Variants in KDM4C observed in about 807,000 individuals in gnomAD.
The protein encoded by KDM4C is lysine demethylase 4C.
In KDM4C, 81 loss-of-function variants were observed where a neutral mutation model predicts 129.3. The ratio of observed to expected loss-of-function variants is 0.63; its 90% CI spans 0.52 to 0.75. The LOEUF (loss-of-function observed/expected upper bound fraction) is 0.75, where lower values mean the gene tolerates loss of function less well. Ranked by LOEUF, KDM4C falls within the 30% of genes least tolerant of loss-of-function variation. The probability of loss-of-function intolerance (pLI) is 0.00; values close to 1 mark genes in which losing one functional copy is unlikely to be tolerated. For synonymous variants in KDM4C, 573 were observed against 456.1 expected (o/e 1.26, Z -3.26); for missense variants, 1,457 against 1,304.0 (o/e 1.12, Z -1.81).
At chr9:6,925,282 GA>G in intron 8 of KDM4C, 1 of 985,196 alleles carries the variant, frequency 1.0e-6, no homozygotes, top group Non-Finnish European at 1.2e-6. Flanking sequence ...GTTACTATGG[GA>G]AAATATAATA....
chr9:6,894,037 GATAA>G (rs150602100), intron 8 of KDM4C, among the ~76,000 whole-genome samples: 2,161 of 152,248 alleles, frequency 0.014, 36 homozygotes, highest in South Asian at 0.018. Flanking sequence ...AGCAGAAAAT[GATAA>G]ATAAAGCGTA....
chr9:7,138,312 C>A (rs1841417523), intron 19 of KDM4C, among the ~76,000 whole-genome samples: 1 of 151,978 alleles, frequency 6.6e-6, no homozygotes, highest in Non-Finnish European at 1.5e-5. Flanking sequence ...AATTTTTTGC[C>A]TTTTATAAAA....
intron 15 of KDM4C, among the ~76,000 whole-genome samples, chr9:7,038,144 G>T (rs1827968474): frequency 6.6e-6 from 1 of 152,016 alleles, no homozygotes; most frequent in Non-Finnish European, 1.5e-5. Context: ...ATAGAAAAAA[G>T]ATATAAATAC....
intron 21 of KDM4C, 126 bp from the exon 22 acceptor site, chr9:7,174,427 C>T (rs1332118962): frequency 1.2e-6 from 1 of 826,164 alleles, no homozygotes; most frequent in African/African-American, 1.7e-5. Flanking sequence ...GCCTGGGGCC[C>T]TTTTAGCCTG....
chr9:6,840,740 T>G (rs1836767364), intron 4 of KDM4C, among the ~76,000 whole-genome samples: 1 of 152,206 alleles, frequency 6.6e-6, no homozygotes, highest in Non-Finnish European at 1.5e-5. Flanking sequence ...AGTTACTGAC[T>G]GGGCACCTTC....
intron 15 of KDM4C, among the ~76,000 whole-genome samples, chr9:7,035,520 T>C (rs1827493400): frequency 6.6e-6 from 1 of 151,994 alleles, no homozygotes; most frequent in Non-Finnish European, 1.5e-5. Flanking sequence ...TTTGCTTTTG[T>C]TGCCCTTGCT....
intron 18 of KDM4C, among the ~76,000 whole-genome samples, chr9:7,115,289 G>A (rs918346437): frequency 1.3e-5 from 2 of 151,880 alleles, no homozygotes; most frequent in African/African-American, 2.4e-5. Flanking sequence ...ATATTTCTCC[G>A]TTCCCAGGAA....
chr9:6,892,034 C>G (rs1315453080), intron 7 of KDM4C, among the ~76,000 whole-genome samples: 4 of 152,092 alleles, frequency 2.6e-5, no homozygotes, highest in African/African-American at 9.7e-5. Context: ...CTTTTATTAT[C>G]AGAGCTAGCA....
rs745754841 is a variant in KDM4C, at chr9:7,174,555, C to T, written c.2997C>T (p.Ser999=). 5 of 1,613,962 alleles carry T rather than the reference C, an allele frequency of 3.1e-6. No individual in the cohort carries two copies. Among genetic ancestry groups the T allele is most frequent in the Non-Finnish European group, 4.2e-6 (5 of 1,179,872 alleles). The change falls in exon 22 of 22, where the codon TCC becomes TCT. Residue 999 remains serine (S), a splice_region_variant and synonymous_variant. Transcript: ENST00000381309. ...ELPKRVKARF[S]TASDMRFEDT... ...AATATAACACCAGCTGCTTTTAGTC[C>T]ACAGCCTCTGACATGCGATTTGAAG...
chr9:7,164,024 C>T (rs762290956), intron 19 of KDM4C, among the ~76,000 whole-genome samples: 6 of 152,138 alleles, frequency 3.9e-5, no homozygotes, highest in Non-Finnish European at 8.8e-5. Flanking sequence ...AGAAATAGTA[C>T]ATGGTAGATT....
At chr9:7,174,378 C>A (rs1159351876) in intron 21 of KDM4C, among the ~76,000 whole-genome samples, 175 bp from the exon 22 acceptor site, 1 of 152,164 alleles carries the variant, frequency 6.6e-6, no homozygotes, top group Non-Finnish European at 1.5e-5. Flanking sequence ...TGGAGCCCCC[C>A]ACTTTGGGTG....
At chr9:6,925,585 G>A (rs1434486306) in intron 8 of KDM4C, 1 of 985,418 alleles carries the variant, frequency 1.0e-6, no homozygotes, top group African/African-American at 1.7e-5. Context: ...GAGCCACCAT[G>A]CCTGGGCAGA....
intron 1 of KDM4C, among the ~76,000 whole-genome samples, chr9:6,743,694 G>T (rs1228256839): frequency 6.6e-6 from 1 of 152,008 alleles, no homozygotes; most frequent in Non-Finnish European, 1.5e-5. Flanking sequence ...TTTTAGTAGA[G>T]ACAGGGTTTC....
chr9:6,971,702 TATTA>T (rs903401084), intron 8 of KDM4C, among the ~76,000 whole-genome samples: 1 of 152,204 alleles, frequency 6.6e-6, no homozygotes, highest in African/African-American at 2.4e-5. Flanking sequence ...ACATGTTTCA[TATTA>T]ATTAAGGCAG....
intron 4 of KDM4C, among the ~76,000 whole-genome samples, chr9:6,838,359 G>A (rs768261305): frequency 5.9e-5 from 9 of 152,184 alleles, no homozygotes; most frequent in South Asian, 2.1e-4. Context: ...GCTTGTATGC[G>A]TAGACTTGAT....
intron 3 of KDM4C, among the ~76,000 whole-genome samples, chr9:6,810,040 A>G (rs1394900714): frequency 6.6e-6 from 1 of 152,174 alleles, no homozygotes; most frequent in East Asian, 1.9e-4. Flanking sequence ...TTTAACTCTA[A>G]GAGGCAATCA....
At chr9:7,009,544 G>GT (rs1301402711) in intron 12 of KDM4C, among the ~76,000 whole-genome samples, 2 of 152,004 alleles carry the variant, frequency 1.3e-5, no homozygotes, top group African/African-American at 4.8e-5. Flanking sequence ...TGTTACCTCT[G>GT]TAAGTATGAG....
chr9:6,865,915 G>C (rs1469917422), intron 5 of KDM4C, among the ~76,000 whole-genome samples: 1 of 151,844 alleles, frequency 6.6e-6, no homozygotes, highest in African/African-American at 2.4e-5. Context: ...CACCATGCCT[G>C]GCTAATTTTT....
At chr9:6,794,248 G>T (rs959158398) in intron 2 of KDM4C, among the ~76,000 whole-genome samples, 2 of 152,206 alleles carry the variant, frequency 1.3e-5, no homozygotes, top group East Asian at 3.8e-4. Flanking sequence ...TCTAGTTGTA[G>T]CATCTTAGAA....
Sources: allele counts gnomAD v4.1 joint callset (sites outside exome capture counted in the v4.1 genomes callset), GRCh38; gene constraint gnomAD v4.1.1; transcripts MANE v1.5; gene names NCBI Gene and HGNC (gene_info 2026-07-23, HGNC 2026-07-21).